Variants in ASPSCR1 observed in about 807,000 individuals in gnomAD.
ASPSCR1 encodes tether containing UBX domain for GLUT4.
In ASPSCR1, 55 loss-of-function variants were observed where a neutral mutation model predicts 68.9. That is an observed-to-expected ratio of 0.80 (90% CI 0.64 to 1.00). The LOEUF (loss-of-function observed/expected upper bound fraction) is 1.00, where lower values mean the gene tolerates loss of function less well. Ranked by LOEUF, ASPSCR1 falls within the 50% of genes least tolerant of loss-of-function variation. ASPSCR1 has a pLI of 0.00. For synonymous variants in ASPSCR1, 352 were observed against 332.6 expected (o/e 1.06, Z -0.63); for missense variants, 765 against 762.2 (o/e 1.00, Z -0.04).
chr17:82,011,586 C>T lies in ASPSCR1; in HGVS notation c.1281C>T (p.Pro427=), dbSNP rs377597070. ...TCGTGAGGAGCCACCTGGGGAACCCCGAGCTGTCATTTTACCTGTGTACGT... is the reference window on the plus strand; with the variant it reads ...TCGTGAGGAGCCACCTGGGGAACCCTGAGCTGTCATTTTACCTGTGTACGT... The part of the protein sequence containing the change: ...RDFVRSHLGN[P]ELSFYLFITP... Residue 427 remains proline (P), a synonymous_variant, in exon 11 of 16, where the codon CCC becomes CCT. Coordinates refer to ENST00000306739, the MANE Select transcript of ASPSCR1 (RefSeq NM_024083.4). The T allele has an allele frequency of 5.7e-6, 9 of 1,591,614 alleles. No individual in the cohort carries two copies. The highest frequency in any genetic ancestry group is 1.7e-4 in the Middle Eastern group (1 of 5,990).
chr17:82,010,684 C>T (rs576711168), intron 9 of ASPSCR1, 118 bp from the exon 10 acceptor site: 16 of 1,108,606 alleles, frequency 1.4e-5, no homozygotes, highest in Middle Eastern at 2.7e-4. Context: ...GGGGTGGCTG[C>T]TTCTGCCTGC....
intron 12 of ASPSCR1, chr17:82,015,663 C>G: frequency 2.4e-6 from 1 of 421,160 alleles, no homozygotes; most frequent in Non-Finnish European, 4.3e-6. Flanking sequence ...CCCTGGGCTT[C>G]TGTGAGCAGC....
Position 81,996,021 on chromosome 17 carries a change from G to A in ASPSCR1, c.462G>A (p.Thr154=), listed in dbSNP as rs754576803. The change falls in exon 6 of 16, where the codon ACG becomes ACA. Residue 154 remains threonine, a synonymous_variant. Transcript: ENST00000306739. ...CGGGTGAAGCTGCCCTGCGGGGCAC[G>A]ACGCTGCAGTCGCTGGGCCTGACCG... ...EVTGEAALRG[T]TLQSLGLTGG... is the part of the protein sequence containing the mutation. The A allele has an allele frequency of 4.6e-5, 74 of 1,610,558 alleles. No homozygotes were observed. Among genetic ancestry groups the A allele is most frequent in the Middle Eastern group, 1.7e-4 (1 of 6,020 alleles).
chr17:82,010,982 C>A, intron 10 of ASPSCR1, 114 bp downstream of exon 10: 1 of 1,296,454 alleles, frequency 7.7e-7, no homozygotes, highest in Non-Finnish European at 1.1e-6. Context: ...GGCTCCAGGG[C>A]ACTGGGTGGG....
At position 81,986,172 on chromosome 17, in the gene ASPSCR1, C is replaced by A. The variant is rs1033403862; in HGVS notation, c.374+565C>A. Among the ~76,000 whole-genome samples, 1 of 152,154 alleles carries A rather than the reference C, an allele frequency of 6.6e-6. No individual in the cohort carries two copies. Among genetic ancestry groups the A allele is most frequent in the Non-Finnish European group, 1.5e-5 (1 of 68,018 alleles). ...TGGGCACAGTGGCTGGGCAAAGTGG[C>A]TTGCACTTTGGAAGGCCGAGGCTGG... On this transcript the variant is annotated intron_variant, in intron 4 of 15. Coordinates refer to ENST00000306739, the MANE Select transcript of ASPSCR1 (RefSeq NM_024083.4). This position sits in a 1 kb window ranked among gnomAD's most constrained non-coding sequence, Gnocchi z 5.2.
intron 7 of ASPSCR1, among the ~76,000 whole-genome samples, chr17:81,998,094 T>A (rs1230870556): frequency 6.6e-6 from 1 of 152,202 alleles, no homozygotes; most frequent in Non-Finnish European, 1.5e-5. Context: ...CCCAAAGTGC[T>A]GGGATTACAG....
intron 7 of ASPSCR1, chr17:82,008,797 C>T (rs1598427433): frequency 2.1e-6 from 1 of 470,964 alleles, no homozygotes; most frequent in Non-Finnish European, 3.7e-6. Flanking sequence ...AGGTCTGGTG[C>T]ACTGACTGGG....
intron 1 of ASPSCR1, 146 bp from the exon 2 acceptor site, chr17:81,979,038 C>G: frequency 1.3e-6 from 1 of 743,606 alleles, no homozygotes; most frequent in Non-Finnish European, 2.4e-6. Context: ...TTGCGGGGAC[C>G]GTCCATAGTG....
At position 82,016,039 on chromosome 17, in the gene ASPSCR1, C is replaced by T. The variant is rs142782896; in HGVS notation, c.1354-437C>T. 1.8e-3 allele frequency: 334 copies of T among 188,568 alleles called. 11 individuals carry two copies. The East Asian group carries it at 0.042, about 24-fold the overall frequency. 11.7% of individuals were successfully genotyped at this position (188,568 alleles called of 1,614,324 possible). On this transcript the variant is annotated intron_variant, in intron 12 of 15. Transcript: ENST00000306739. ...CCACTCCCACCCCCAGCCTGTGGCC[C>T]TGAGCAGCCTGGAGCCGGGAGGGGG...
At chr17:81,995,918 C>T (rs536859881) in intron 5 of ASPSCR1, 74 bp from the exon 6 acceptor site, 219 of 1,464,742 alleles carry the variant, frequency 1.5e-4, no homozygotes, top group Non-Finnish European at 1.9e-4. Context: ...CTGGTGGTGC[C>T]GGTGCCCGGA....
At position 81,987,770 on chromosome 17, in the gene ASPSCR1, C is replaced by T. The variant is rs1256352121; in HGVS notation, c.374+2163C>T. ...TGGTGGCTGTGGGGGTGGGTTTGGG[C>T]GCTTTGGAGGAGGTTGCAGTGAGCC... is the stretch of plus-strand genomic sequence containing the variant. On this transcript the variant is annotated intron_variant, in intron 4 of 15. Transcript: ENST00000306739. The surrounding 1 kb of genome is among the most constrained non-coding windows in gnomAD (Gnocchi z 5.6). 3.9e-5 allele frequency among the ~76,000 whole-genome samples: 6 copies of T among 151,970 alleles called. No individual in the cohort carries two copies. Among genetic ancestry groups the T allele is most frequent in the South Asian group, 2.1e-4 (1 of 4,824 alleles).
At chr17:81,992,965 C>T (rs1047040240) in intron 4 of ASPSCR1, among the ~76,000 whole-genome samples, 2 of 152,210 alleles carry the variant, frequency 1.3e-5, no homozygotes, top group Admixed American at 1.3e-4. Context: ...GTCCACGACC[C>T]TGTGGGGCCT....
intron 12 of ASPSCR1, chr17:82,015,585 G>A (rs889344079): frequency 1.6e-5 from 10 of 606,604 alleles, no homozygotes; most frequent in Admixed American, 3.1e-5. Flanking sequence ...CCTCTCGCCC[G>A]GCAGCAGGTG....
chr17:81,993,614 G>A (rs1598403382), intron 4 of ASPSCR1, among the ~76,000 whole-genome samples: 1 of 152,220 alleles, frequency 6.6e-6, no homozygotes, highest in African/African-American at 2.4e-5. Flanking sequence ...GGGTTCAGGC[G>A]GAGGCCGAGA....
intron 7 of ASPSCR1, among the ~76,000 whole-genome samples, chr17:81,998,962 C>G (rs1425137988): frequency 6.6e-6 from 1 of 152,248 alleles, no homozygotes; most frequent in African/African-American, 2.4e-5. Context: ...CTCCCCCCAA[C>G]CGTGGGGACC....
chr17:82,011,577 G>A lies in ASPSCR1; in HGVS notation c.1272G>A (p.Leu424=). ...GDLRDFVRSH[L]GNPELSFYLF... ...TGCGAGACTTCGTGAGGAGCCACCT[G>A]GGGAACCCCGAGCTGTCATTTTACC... The change falls in exon 11 of 16, where the codon CTG becomes CTA. Residue 424 remains leucine, a synonymous_variant. Transcript: ENST00000306739. The A allele has an allele frequency of 1.9e-6, 3 of 1,586,026 alleles. No individual in the cohort carries two copies. The highest frequency in any genetic ancestry group is 2.3e-5 in the East Asian group (1 of 42,798).
intron 7 of ASPSCR1, among the ~76,000 whole-genome samples, chr17:82,002,185 A>G (rs1211295562): frequency 1.3e-5 from 2 of 150,868 alleles, no homozygotes; most frequent in Admixed American, 6.6e-5. Context: ...TTTTCTTTTT[A>G]AAATTAAAAA....
rs749195156 is a variant in ASPSCR1, at chr17:82,016,856, G to A, written c.1462G>A (p.Val488Met). 23 of 1,612,460 alleles carry A rather than the reference G, an allele frequency of 1.4e-5. No individual in the cohort carries two copies. In the South Asian group the frequency reaches 1.8e-4, roughly 12 times the overall value. ...TGCCATCTCCCCATCTGCGGCCGATGTGCTGGTGGCCAGGTAAGTGCCGGT... is the reference window on the plus strand; with the variant it reads ...TGCCATCTCCCCATCTGCGGCCGATATGCTGGTGGCCAGGTAAGTGCCGGT... Reference protein sequence around the residue: ...EHAISPSAADVLVARYMSRAA... With the variant: ...EHAISPSAADMLVARYMSRAA... The change falls in exon 14 of 16, where the codon GTG (valine) becomes ATG (methionine). Residue 488 changes from valine to methionine, a missense_variant. Val to Met is a conservative substitution (Grantham distance 21, BLOSUM62 1). Coordinates refer to ENST00000306739, the MANE Select transcript of ASPSCR1 (RefSeq NM_024083.4).
chr17:81,981,066 G>A (rs576191449), intron 2 of ASPSCR1, among the ~76,000 whole-genome samples: 3 of 152,312 alleles, frequency 2.0e-5, no homozygotes, highest in South Asian at 2.1e-4. Flanking sequence ...ACTGTGCCAC[G>A]AAAACCCTGA....
Sources: gnomAD v4.1 joint callset for allele counts (sites outside exome capture counted in the v4.1 genomes callset) on GRCh38, gnomAD v4.1.1 for gene constraint, Gnocchi (gnomAD v3.1) non-coding constraint, MANE v1.5 for transcripts, NCBI Gene and HGNC (gene_info 2026-07-23, HGNC 2026-07-21) for gene names.